The following MSRA variants were observed in gnomAD, a reference collection of about 807,000 sequenced individuals.
MSRA encodes the protein mitochondrial peptide methionine sulfoxide reductase.
Under a neutral mutation model 31.3 loss-of-function variants are expected in MSRA, and 54 were observed. That is an observed-to-expected ratio of 1.73 (90% CI 1.39 to 2.17). The LOEUF is 2.17. Among genes scored for constraint, MSRA ranks in the 30% most tolerant of loss-of-function variants. The pLI, the probability that MSRA is intolerant of heterozygous loss-of-function variation, is 0.00. For synonymous variants in MSRA, 169 were observed against 116.5 expected (o/e 1.45, Z -2.90); for missense variants, 507 against 300.9 (o/e 1.69, Z -5.07).
At chr8:10,225,656 C>G (rs995263225) in intron 2 of MSRA, among the ~76,000 whole-genome samples, 1 of 152,126 alleles carries the variant, frequency 6.6e-6, no homozygotes. Context: ...CTTCTTTGGG[C>G]TTTAGCTGTT....
Position 10,054,391 on chromosome 8 carries a change from GC to G in MSRA, c.-123del. 1 of 586,320 alleles carries G rather than the reference GC, an allele frequency of 1.7e-6. No homozygotes were observed. The highest frequency in any genetic ancestry group is 2.5e-6 in the Non-Finnish European group (1 of 406,462). The allele number at this position is 586,320 out of a possible 1,614,324, so 36.3% of individuals were successfully genotyped here. On this transcript the variant is annotated 5_prime_UTR_variant, in exon 1 of 6. Transcript: ENST00000317173. ...TCCAGCCCCGCCAGCAGCGCCCCGC[GC>G]CCGCCCGCCCGCGCCCCTGCCGCCC...
chr8:10,164,604 C>T (rs1005418399), intron 1 of MSRA, among the ~76,000 whole-genome samples: 1 of 152,168 alleles, frequency 6.6e-6, no homozygotes, highest in Non-Finnish European at 1.5e-5. Context: ...TACCCAAATC[C>T]TAATAGACTT....
intron 3 of MSRA, among the ~76,000 whole-genome samples, chr8:10,283,909 G>T (rs1178638592): frequency 6.8e-6 from 1 of 146,600 alleles, no homozygotes; most frequent in African/African-American, 2.5e-5. Flanking sequence ...TGATTGATGG[G>T]CATTTGGATT....
chr8:10,232,705 A>G (rs1223723465), intron 2 of MSRA, among the ~76,000 whole-genome samples: 1 of 152,240 alleles, frequency 6.6e-6, no homozygotes, highest in East Asian at 1.9e-4. Context: ...ATAATAAAAA[A>G]TCTCATAGAC....
At chr8:10,177,728 C>G (rs1010108327) in intron 1 of MSRA, among the ~76,000 whole-genome samples, 27 of 152,160 alleles carry the variant, frequency 1.8e-4, no homozygotes, top group Admixed American at 2.0e-4. Flanking sequence ...TATTGGCAAG[C>G]TTTTTCTAGC....
intron 5 of MSRA, among the ~76,000 whole-genome samples, chr8:10,424,191 T>G (rs1010371125): frequency 2.6e-5 from 4 of 152,176 alleles, no homozygotes; most frequent in African/African-American, 9.7e-5. Flanking sequence ...GGAAAGGACA[T>G]TCCTTGGAGA....
intron 1 of MSRA, among the ~76,000 whole-genome samples, chr8:10,147,929 G>A (rs974366411): frequency 4.6e-5 from 7 of 152,186 alleles, no homozygotes; most frequent in African/African-American, 1.7e-4. Flanking sequence ...TCCAAAGAGC[G>A]GGAAAACGAC....
intron 2 of MSRA, among the ~76,000 whole-genome samples, chr8:10,238,660 A>G (rs1017488263): frequency 2.6e-5 from 4 of 152,240 alleles, no homozygotes; most frequent in Non-Finnish European, 5.9e-5. Context: ...AAGTGGGAGA[A>G]ATAATGGATT....
At chr8:10,059,820 T>C (rs1193845716) in intron 1 of MSRA, among the ~76,000 whole-genome samples, 1 of 152,234 alleles carries the variant, frequency 6.6e-6, no homozygotes, top group South Asian at 2.1e-4. Flanking sequence ...AGGTAGACGT[T>C]AGGTTATGAA....
At chr8:10,136,095 A>T (rs907595596) in intron 1 of MSRA, among the ~76,000 whole-genome samples, 2 of 152,102 alleles carry the variant, frequency 1.3e-5, no homozygotes, top group African/African-American at 4.8e-5. Flanking sequence ...TATCCATTTT[A>T]AATTTTAGGC....
chr8:10,111,822 G>A (rs776677274), intron 1 of MSRA, among the ~76,000 whole-genome samples: 1 of 152,146 alleles, frequency 6.6e-6, no homozygotes, highest in Non-Finnish European at 1.5e-5. Context: ...GGTCACACAC[G>A]CTGTCTCATG....
At position 10,124,338 on chromosome 8, in the gene MSRA, C is replaced by G. The variant is rs76453228; in HGVS notation, c.142+69680C>G. Among the ~76,000 whole-genome samples the G allele has an allele frequency of 4.4e-4, 67 of 152,184 alleles. 1 individual carries two copies. Among genetic ancestry groups the G allele is most frequent in the African/African-American group, 1.5e-3 (64 of 41,434 alleles). ...GTATAATGGCATGGGCCTCAAAGGG[C>G]TTTTCCCTAAGGAGAGGGGAATGGT... is the stretch of plus-strand genomic sequence containing the variant. On this transcript the variant is annotated intron_variant, in intron 1 of 5. Transcript: ENST00000317173.
chr8:10,202,236 T>G (rs1175638400), intron 1 of MSRA, among the ~76,000 whole-genome samples: 3 of 152,252 alleles, frequency 2.0e-5, no homozygotes, highest in Non-Finnish European at 4.4e-5. Flanking sequence ...CCCCAAATAC[T>G]TGCCTTAGCA....
chr8:10,074,472 T>C (rs1797899959), intron 1 of MSRA, among the ~76,000 whole-genome samples: 2 of 152,132 alleles, frequency 1.3e-5, no homozygotes, highest in African/African-American at 4.8e-5. Context: ...GTCTCTAAGT[T>C]AGGAAATAAG....
chr8:10,316,735 GC>G (rs1445754577), intron 4 of MSRA, among the ~76,000 whole-genome samples: 2 of 152,152 alleles, frequency 1.3e-5, no homozygotes, highest in Admixed American at 1.3e-4. Flanking sequence ...TATTCATAGG[GC>G]TTGTCTCAAA....
At chr8:10,346,006 C>T (rs1344244143) in intron 5 of MSRA, among the ~76,000 whole-genome samples, 1 of 152,122 alleles carries the variant, frequency 6.6e-6, no homozygotes, top group Admixed American at 6.5e-5. Context: ...TTCCTACCTT[C>T]CTAGTGTTTT....
chr8:10,074,275 G>C (rs975437904), intron 1 of MSRA, among the ~76,000 whole-genome samples: 1 of 151,422 alleles, frequency 6.6e-6, no homozygotes, highest in Non-Finnish European at 1.5e-5. Flanking sequence ...GTAGAGATGG[G>C]GTTTCACCGT....
At chr8:10,120,731 T>C (rs1269161465) in intron 1 of MSRA, among the ~76,000 whole-genome samples, 1 of 152,162 alleles carries the variant, frequency 6.6e-6, no homozygotes, top group East Asian at 1.9e-4. Flanking sequence ...TAATGGAAGC[T>C]CTTAACTGAC....
intron 2 of MSRA, among the ~76,000 whole-genome samples, chr8:10,219,805 C>CAAAAAAAAAAAAAAAAAAAAAAAAAA (rs202000887): frequency 2.2e-5 from 1 of 46,070 alleles, no homozygotes; most frequent in African/African-American, 1.7e-4. Context: ...GACTCTGTCT[C>CAAAAAAAAAAAAAAAAAAAAAAAAAA]CAAAAAAAAA....
Sources: allele counts gnomAD v4.1 joint callset (sites outside exome capture counted in the v4.1 genomes callset), GRCh38; gene constraint gnomAD v4.1.1; transcripts MANE v1.5; gene names NCBI Gene and HGNC (gene_info 2026-07-23, HGNC 2026-07-21).